The following STPG2 variants were observed in gnomAD, a reference collection of about 807,000 sequenced individuals.
The protein encoded by STPG2 is sperm tail PG-rich repeat containing 2, also known as sperm-tail PG-rich repeat-containing protein 2.
Under a neutral mutation model 54.2 loss-of-function variants are expected in STPG2, and 56 were observed. The observed-to-expected ratio is 1.03, with a 90% CI of 0.83 to 1.29. The LOEUF is 1.29. Ranked by LOEUF, STPG2 falls within the 50% of genes most tolerant of loss-of-function variation. STPG2 has a pLI of 0.00. For missense variants in STPG2, 596 were observed against 544.9 expected (o/e 1.09, Z -0.93); for synonymous variants, 200 against 181.8 (o/e 1.10, Z -0.81).
intron 10 of STPG2, among the ~76,000 whole-genome samples, chr4:97,595,517 A>G (rs1282473102): frequency 2.0e-5 from 3 of 152,118 alleles, no homozygotes; most frequent in African/African-American, 7.2e-5. Flanking sequence ...GTTAATGGGT[A>G]CAGCACACCA....
At chr4:97,510,767 C>T (rs1730955092) in intron 4 of STPG2, among the ~76,000 whole-genome samples, 1 of 152,052 alleles carries the variant, frequency 6.6e-6, no homozygotes, top group Non-Finnish European at 1.5e-5. Context: ...AGTATAAACA[C>T]TAAAAAGGAA....
intron 7 of STPG2, among the ~76,000 whole-genome samples, chr4:97,963,176 C>CAAACAAAA (rs1553929367): frequency 6.6e-6 from 1 of 151,026 alleles, no homozygotes; most frequent in Non-Finnish European, 1.5e-5. Context: ...AACAAACAAA[C>CAAACAAAA]AAACAAACAA....
intron 4 of STPG2, among the ~76,000 whole-genome samples, chr4:97,447,257 C>T (rs150099656): frequency 3.9e-5 from 6 of 152,128 alleles, no homozygotes; most frequent in Non-Finnish European, 8.8e-5. Flanking sequence ...ATTTAAAAGG[C>T]ACGTGGAGCA....
intron 4 of STPG2, among the ~76,000 whole-genome samples, chr4:97,497,128 TC>T (rs1476979918): frequency 6.6e-6 from 1 of 151,720 alleles, no homozygotes; most frequent in African/African-American, 2.4e-5. Context: ...ATTTACTTAT[TC>T]CTTTTACTTC....
intron 7 of STPG2, among the ~76,000 whole-genome samples, chr4:97,966,277 G>C (rs543263613): frequency 9.2e-5 from 14 of 152,070 alleles, no homozygotes; most frequent in Non-Finnish European, 2.1e-4. Context: ...GGGTATCAGT[G>C]GTTGAAGAAC....
At chr4:97,621,647 G>A (rs559636770) in intron 10 of STPG2, among the ~76,000 whole-genome samples, 11 of 152,156 alleles carry the variant, frequency 7.2e-5, no homozygotes, top group East Asian at 5.8e-4. Context: ...AAGCCTACCA[G>A]TGAAAAGAAG....
At chr4:98,130,497 T>A (rs889728326) in intron 2 of STPG2, among the ~76,000 whole-genome samples, 2 of 152,192 alleles carry the variant, frequency 1.3e-5, no homozygotes, top group African/African-American at 4.8e-5. Context: ...TTTTATTTTT[T>A]ATCAAATTAA....
At chr4:98,035,502 T>C (rs982996714) in intron 5 of STPG2, among the ~76,000 whole-genome samples, 3 of 152,308 alleles carry the variant, frequency 2.0e-5, no homozygotes, top group Non-Finnish European at 4.4e-5. Flanking sequence ...TTGGTGGGAA[T>C]GTAAATGAGT....
rs1275409311 is a variant in STPG2, at chr4:97,757,726, A to G, written c.1205-44912T>C. On this transcript the variant is annotated intron_variant, in intron 9 of 10. Coordinates refer to ENST00000295268, the MANE Select transcript of STPG2 (RefSeq NM_174952.3). The stretch of plus-strand genomic sequence containing the variant: ...TGCATTATTAACGGTCAGTAAGTTC[A>G]TCCTGTTTCTGTATGGTGTATGTTT... 2.6e-5 allele frequency among the ~76,000 whole-genome samples: 4 copies of G among 152,176 alleles called. No individual in the cohort carries two copies. In the East Asian group the frequency reaches 7.7e-4, roughly 29 times the overall value.
chr4:97,525,046 C>A (rs1421625046), intron 4 of STPG2, among the ~76,000 whole-genome samples: 2 of 151,762 alleles, frequency 1.3e-5, no homozygotes, highest in African/African-American at 4.8e-5. Context: ...TTGAAATGAA[C>A]CACTTTTCTC....
chr4:97,509,169 C>G (rs1354364133), intron 4 of STPG2, among the ~76,000 whole-genome samples: 1 of 151,988 alleles, frequency 6.6e-6, no homozygotes, highest in African/African-American at 2.4e-5. Flanking sequence ...GAACCTGGTC[C>G]GTTTCTGTCT....
intron 10 of STPG2, among the ~76,000 whole-genome samples, chr4:97,566,008 C>G (rs2148879270): frequency 6.6e-6 from 1 of 152,298 alleles, no homozygotes; most frequent in South Asian, 2.1e-4. Flanking sequence ...TTACTGCAGT[C>G]TTTTTGTTTG....
intron 9 of STPG2, among the ~76,000 whole-genome samples, chr4:97,797,354 C>A (rs1397350553): frequency 6.6e-6 from 1 of 151,980 alleles, no homozygotes; most frequent in Non-Finnish European, 1.5e-5. Flanking sequence ...TATTTTGAGA[C>A]ATGCCCCATC....
intron 9 of STPG2, among the ~76,000 whole-genome samples, chr4:97,835,086 TCTAACTCA>T (rs958321767): frequency 2.0e-5 from 3 of 152,066 alleles, no homozygotes; most frequent in African/African-American, 7.2e-5. Context: ...AGTTGCTCAT[TCTAACTCA>T]CAGGATTAGA....
chr4:98,026,879 T>C (rs1222193034), intron 5 of STPG2, among the ~76,000 whole-genome samples: 1 of 152,166 alleles, frequency 6.6e-6, no homozygotes, highest in Non-Finnish European at 1.5e-5. Context: ...TAGTATAGAG[T>C]CTAGTTTTCC....
intron 8 of STPG2, among the ~76,000 whole-genome samples, chr4:97,900,088 C>A (rs1022175488): frequency 7.9e-5 from 12 of 152,004 alleles, no homozygotes; most frequent in African/African-American, 2.9e-4. Flanking sequence ...AGAAAAACAA[C>A]CCCATTAAAA....
At position 97,632,284 on chromosome 4, in the gene STPG2, G is replaced by GT. The variant is rs1560693832; in HGVS notation, c.1321-73168_1321-73167insA. Among the ~76,000 whole-genome samples, 665 of 140,650 alleles carry GT rather than the reference G, an allele frequency of 4.7e-3. 3 individuals carry two copies. Among genetic ancestry groups the GT allele is most frequent in the African/African-American group, 0.019 (616 of 33,276 alleles). 92.3% of individuals were successfully genotyped at this position (140,650 alleles called of 152,430 possible). On this transcript the variant is annotated intron_variant, in intron 10 of 10. Transcript: ENST00000295268. ...TCACACAAATTTTAACAAGCTTATT[G>GT]GTTTTTTTTTTTTTTATTTCTGAGC...
At chr4:97,778,400 A>G (rs1259446412) in intron 9 of STPG2, among the ~76,000 whole-genome samples, 3 of 152,126 alleles carry the variant, frequency 2.0e-5, no homozygotes, top group Non-Finnish European at 4.4e-5. Context: ...GGCGTCCAAC[A>G]TTGCTGAGGC....
intron 5 of STPG2, among the ~76,000 whole-genome samples, chr4:98,103,965 T>C (rs921242285): frequency 6.6e-6 from 1 of 152,210 alleles, no homozygotes. Flanking sequence ...CTACTGTCCA[T>C]TGGTAATTTT....
Sources: allele counts gnomAD v4.1 joint callset (sites outside exome capture counted in the v4.1 genomes callset), GRCh38; gene constraint gnomAD v4.1.1; transcripts MANE v1.5; gene names NCBI Gene and HGNC (gene_info 2026-07-23, HGNC 2026-07-21).